ADAM22: variants seen among roughly 807,000 people sequenced by gnomAD.
The protein encoded by ADAM22 is ADAM metallopeptidase domain 22.
In ADAM22, 65 loss-of-function variants were observed where a neutral mutation model predicts 144.6. That is an observed-to-expected ratio of 0.45 (90% CI 0.37 to 0.55). ADAM22 has a LOEUF of 0.55. Ranked by LOEUF, ADAM22 falls within the 20% of genes least tolerant of loss-of-function variation. The pLI, the probability that ADAM22 is intolerant of heterozygous loss-of-function variation, is 0.00. For synonymous variants in ADAM22, 391 were observed against 412.6 expected (o/e 0.95, Z 0.63); for missense variants, 974 against 1,184.9 (o/e 0.82, Z 2.61).
chr7:88,052,378 G>A lies in ADAM22; in HGVS notation c.324-23248G>A, dbSNP rs577242638. ...AAAAAAATTAGCCTGGCGTGGTGGCGGGCACCTGTAGTCCCAGCTACCAGG... is the reference window on the plus strand; with the variant it reads ...AAAAAAATTAGCCTGGCGTGGTGGCAGGCACCTGTAGTCCCAGCTACCAGG... On this transcript the variant is annotated intron_variant, in intron 3 of 31. Coordinates refer to ENST00000413139, the MANE Select transcript of ADAM22 (RefSeq NM_001324418.2). Among the ~76,000 whole-genome samples the A allele has an allele frequency of 4.6e-5, 7 of 151,402 alleles. No individual in the cohort carries two copies. The South Asian group carries it at 8.4e-4, about 18-fold the overall frequency.
chr7:88,061,034 A>G (rs2129476678), intron 3 of ADAM22, among the ~76,000 whole-genome samples: 2 of 151,960 alleles, frequency 1.3e-5, no homozygotes, highest in East Asian at 1.9e-4. Flanking sequence ...AACCCAGGAA[A>G]CAAAGGTTGC....
At chr7:88,037,110 C>G (rs1223847762) in intron 3 of ADAM22, among the ~76,000 whole-genome samples, 1 of 151,990 alleles carries the variant, frequency 6.6e-6, no homozygotes, top group Non-Finnish European at 1.5e-5. Flanking sequence ...ATAAATGATG[C>G]TATTATGAAC....
chr7:88,032,731 C>T lies in ADAM22; in HGVS notation c.324-42895C>T, dbSNP rs557482277. Reference sequence around the variant, plus strand: ...ATTATAATTCCCAGTGTTGGAGGTGCGGTCTGGTGGGAGGTGATTGGATTG... The same window carrying T: ...ATTATAATTCCCAGTGTTGGAGGTGTGGTCTGGTGGGAGGTGATTGGATTG... On this transcript the variant is annotated intron_variant, in intron 3 of 31. Transcript: ENST00000413139. Among the ~76,000 whole-genome samples, 12 of 152,182 alleles carry T rather than the reference C, an allele frequency of 7.9e-5. No individual in the cohort carries two copies. The South Asian group carries it at 8.4e-4, about 11-fold the overall frequency.
At chr7:88,162,793 A>G (rs1340473070) in intron 22 of ADAM22, among the ~76,000 whole-genome samples, 1 of 152,076 alleles carries the variant, frequency 6.6e-6, no homozygotes, top group African/African-American at 2.4e-5. Flanking sequence ...CAGTTATAGT[A>G]ATTACATTCA....
intron 3 of ADAM22, among the ~76,000 whole-genome samples, chr7:87,998,467 T>G (rs377401141): frequency 6.6e-6 from 1 of 152,306 alleles, no homozygotes; most frequent in East Asian, 1.9e-4. Context: ...CTCAGCTCAC[T>G]GCAACCTCCG....
chr7:87,948,662 A>G (rs1844295807), intron 2 of ADAM22, among the ~76,000 whole-genome samples: 2 of 152,192 alleles, frequency 1.3e-5, no homozygotes, highest in Admixed American at 1.3e-4. Flanking sequence ...TACAGGATTC[A>G]TATTCAGTAT....
intron 3 of ADAM22, among the ~76,000 whole-genome samples, chr7:87,991,410 A>G (rs1736615131): frequency 7.4e-6 from 1 of 135,876 alleles, no homozygotes; most frequent in Non-Finnish European, 1.5e-5. Flanking sequence ...CCCAGGCCGG[A>G]ATGCGGAATG....
At chr7:88,144,815 T>C (rs983178250) in intron 15 of ADAM22, among the ~76,000 whole-genome samples, 2 of 152,120 alleles carry the variant, frequency 1.3e-5, no homozygotes, top group African/African-American at 4.8e-5. Context: ...TCTGGCTTGA[T>C]TTTAGTGAAT....
At chr7:88,111,098 C>T (rs1412316690) in intron 5 of ADAM22, among the ~76,000 whole-genome samples, 1 of 151,798 alleles carries the variant, frequency 6.6e-6, no homozygotes, top group African/African-American at 2.4e-5. Context: ...AACAGAAAAC[C>T]TATCGTGTGT....
chr7:88,014,521 G>A (rs746653846), intron 3 of ADAM22, among the ~76,000 whole-genome samples: 3 of 152,054 alleles, frequency 2.0e-5, no homozygotes, highest in Non-Finnish European at 2.9e-5. Context: ...GGCGAGTAGA[G>A]CACCTGAGGT....
intron 3 of ADAM22, among the ~76,000 whole-genome samples, chr7:88,026,048 A>G (rs1288425570): frequency 6.6e-6 from 1 of 152,076 alleles, no homozygotes; most frequent in Non-Finnish European, 1.5e-5. Flanking sequence ...TATTGTAGAG[A>G]TCTTTAGTTT....
At chr7:88,040,727 G>C (rs1802925714) in intron 3 of ADAM22, among the ~76,000 whole-genome samples, 1 of 151,868 alleles carries the variant, frequency 6.6e-6, no homozygotes, top group Non-Finnish European at 1.5e-5. Context: ...CTGGGTCTCT[G>C]CTTAGGGTGA....
intron 14 of ADAM22, among the ~76,000 whole-genome samples, chr7:88,136,250 A>AAGAG (rs1832963827): frequency 6.6e-6 from 1 of 152,178 alleles, no homozygotes; most frequent in Non-Finnish European, 1.5e-5. Context: ...CTATAAACGT[A>AAGAG]AGAAATGAGG....
intron 26 of ADAM22, among the ~76,000 whole-genome samples, chr7:88,178,166 A>G (rs1846134193): frequency 6.6e-6 from 1 of 152,184 alleles, no homozygotes; most frequent in Non-Finnish European, 1.5e-5. Flanking sequence ...TGCAGATTAA[A>G]TACATTTTCA....
chr7:88,132,775 A>G (rs767923410), intron 11 of ADAM22, 92 bp from the exon 12 acceptor site: 49 of 990,020 alleles, frequency 4.9e-5, no homozygotes, highest in Non-Finnish European at 6.9e-5. Context: ...AATCTTATGT[A>G]TAGAGAAAAT....
chr7:88,189,765 GA>G (rs1849188054), intron 30 of ADAM22, among the ~76,000 whole-genome samples: 1 of 152,068 alleles, frequency 6.6e-6, no homozygotes, highest in Admixed American at 6.5e-5. Flanking sequence ...CCAACATGGT[GA>G]AACCCCATCT....
chr7:87,991,231 T>G (rs1789755743), intron 3 of ADAM22, among the ~76,000 whole-genome samples: 1 of 152,114 alleles, frequency 6.6e-6, no homozygotes, highest in Admixed American at 6.5e-5. Flanking sequence ...TGATTTCTAG[T>G]TTTTTATGGT....
intron 14 of ADAM22, among the ~76,000 whole-genome samples, chr7:88,140,124 C>T (rs931542473): frequency 1.4e-4 from 21 of 151,968 alleles, no homozygotes; most frequent in African/African-American, 4.4e-4. Flanking sequence ...TTTTAACAAC[C>T]GAATCTCGTG....
chr7:88,150,770 T>C (rs951453057), intron 18 of ADAM22, among the ~76,000 whole-genome samples: 2 of 152,182 alleles, frequency 1.3e-5, no homozygotes, highest in African/African-American at 4.8e-5. Context: ...CCTCTTGCTT[T>C]CTCTTTTATT....
Sources: gnomAD v4.1 joint callset for allele counts (sites outside exome capture counted in the v4.1 genomes callset) on GRCh38, gnomAD v4.1.1 for gene constraint, MANE v1.5 for transcripts, NCBI Gene and HGNC (gene_info 2026-07-23, HGNC 2026-07-21) for gene names.